Variants in ATG4C observed in about 807,000 individuals in gnomAD.
The protein encoded by ATG4C is cysteine protease ATG4C.
In ATG4C, 56 loss-of-function variants were observed where a neutral mutation model predicts 57.6. The observed-to-expected ratio is 0.97, with a 90% CI of 0.78 to 1.21. The LOEUF (loss-of-function observed/expected upper bound fraction) is 1.21, where lower values mean the gene tolerates loss of function less well. Ranked by LOEUF, ATG4C falls within the 50% of genes most tolerant of loss-of-function variation. The probability of loss-of-function intolerance (pLI) is 0.00; values close to 1 mark genes in which losing one functional copy is unlikely to be tolerated. For missense variants in ATG4C, 595 were observed against 529.8 expected (o/e 1.12, Z -1.21); for synonymous variants, 157 against 174.1 (o/e 0.90, Z 0.78).
chr1:62,797,775 A>G (rs910163792), intron 1 of ATG4C, among the ~76,000 whole-genome samples: 5 of 151,722 alleles, frequency 3.3e-5, no homozygotes, highest in Non-Finnish European at 7.4e-5. Flanking sequence ...ATTTAATTAC[A>G]TTTTCCTGTC....
At chr1:62,853,187 A>G (rs1666571457) in intron 10 of ATG4C, among the ~76,000 whole-genome samples, 1 of 152,062 alleles carries the variant, frequency 6.6e-6, no homozygotes, top group Non-Finnish European at 1.5e-5. Flanking sequence ...AGTGTTGTTG[A>G]GAAGTTTGAT....
chr1:62,809,997 A>G (rs1451875618), intron 3 of ATG4C, among the ~76,000 whole-genome samples: 1 of 151,746 alleles, frequency 6.6e-6, no homozygotes, highest in Non-Finnish European at 1.5e-5. Context: ...TTTGTGAGAA[A>G]TTTGAGAGTA....
At chr1:62,790,202 C>A (rs1664230623) in intron 1 of ATG4C, among the ~76,000 whole-genome samples, 1 of 152,226 alleles carries the variant, frequency 6.6e-6, no homozygotes, top group Non-Finnish European at 1.5e-5. Context: ...GCGTGAGCCA[C>A]TGTACCCGGC....
chr1:62,863,040 C>G (rs1163882902), intron 10 of ATG4C, among the ~76,000 whole-genome samples: 3 of 151,854 alleles, frequency 2.0e-5, no homozygotes, highest in Non-Finnish European at 2.9e-5. Context: ...GTCAAAACAT[C>G]CTTTACTCAA....
At position 62,808,799 on chromosome 1, in the gene ATG4C, A is replaced by G. The variant is rs1664965962; in HGVS notation, c.160+3544A>G. Among the ~76,000 whole-genome samples the G allele has an allele frequency of 2.6e-5, 4 of 152,218 alleles. No individual in the cohort carries two copies. The South Asian group carries it at 8.3e-4, about 31-fold the overall frequency. On this transcript the variant is annotated intron_variant, in intron 3 of 10. Coordinates refer to ENST00000317868, the MANE Select transcript of ATG4C (RefSeq NM_032852.4). ...GTACGAATAGAAAGTAAAAGCAGTC[A>G]TATTAACAGCAGCTAGTCTACATTT...
At chr1:62,833,195 G>A (rs557394774) in intron 7 of ATG4C, among the ~76,000 whole-genome samples, 22 of 152,218 alleles carry the variant, frequency 1.4e-4, no homozygotes, top group Middle Eastern at 6.8e-3. Flanking sequence ...GAGAAGGAAA[G>A]CTTAATTATT....
intron 6 of ATG4C, among the ~76,000 whole-genome samples, chr1:62,825,078 A>T (rs2100325930): frequency 6.6e-6 from 1 of 152,164 alleles, no homozygotes; most frequent in East Asian, 1.9e-4. Context: ...TCTATTACAA[A>T]TACAAAAATT....
chr1:62,848,722 A>G (rs909971943), intron 10 of ATG4C, among the ~76,000 whole-genome samples: 1 of 152,188 alleles, frequency 6.6e-6, no homozygotes, highest in African/African-American at 2.4e-5. Context: ...AGAATCAGGA[A>G]AGTGGCATTG....
At chr1:62,810,461 C>G (rs1467800482) in intron 3 of ATG4C, among the ~76,000 whole-genome samples, 1 of 152,104 alleles carries the variant, frequency 6.6e-6, no homozygotes, top group African/African-American at 2.4e-5. Context: ...CTAACATTTT[C>G]TTTTTGTCAT....
intron 7 of ATG4C, among the ~76,000 whole-genome samples, chr1:62,830,476 A>T (rs1665807301): frequency 6.6e-6 from 1 of 152,118 alleles, no homozygotes; most frequent in Non-Finnish European, 1.5e-5. Context: ...TCCTGGTGGA[A>T]TGGGTTGCAA....
chr1:62,799,166 T>G (rs1572099624), intron 1 of ATG4C, among the ~76,000 whole-genome samples: 1 of 152,160 alleles, frequency 6.6e-6, no homozygotes, highest in Non-Finnish European at 1.5e-5. Context: ...ATTTCTCCCC[T>G]TCAGCCTCCC....
chr1:62,841,189 A>G (rs1347314944), intron 9 of ATG4C, among the ~76,000 whole-genome samples: 3 of 152,180 alleles, frequency 2.0e-5, no homozygotes, highest in Non-Finnish European at 2.9e-5. Context: ...CTTTTGCAGA[A>G]TGGCACTAAT....
chr1:62,811,498 T>A (rs538865724), intron 3 of ATG4C, among the ~76,000 whole-genome samples: 99 of 152,260 alleles, frequency 6.5e-4, no homozygotes, highest in South Asian at 1.4e-3. Flanking sequence ...GTAAAAAAAA[T>A]TTCTTACAAT....
chr1:62,799,494 G>C (rs11208032), intron 1 of ATG4C, among the ~76,000 whole-genome samples: 60,710 of 151,970 alleles, frequency 0.4, 12,577 homozygotes, highest in East Asian at 0.67. Context: ...AAATAGTGTA[G>C]CTACATAGCA....
chr1:62,811,490 A>G (rs1665082957), intron 3 of ATG4C, among the ~76,000 whole-genome samples: 1 of 152,104 alleles, frequency 6.6e-6, no homozygotes, highest in African/African-American at 2.4e-5. Flanking sequence ...TACCGAAAGT[A>G]AAAAAAATTT....
At chr1:62,856,630 A>G (rs2100363940) in intron 10 of ATG4C, among the ~76,000 whole-genome samples, 1 of 152,264 alleles carries the variant, frequency 6.6e-6, no homozygotes, top group East Asian at 1.9e-4. Context: ...ATACTGTCCA[A>G]CTCCACAGTG....
chr1:62,840,624 A>C (rs1217363542), intron 9 of ATG4C, among the ~76,000 whole-genome samples: 1 of 152,200 alleles, frequency 6.6e-6, no homozygotes, highest in South Asian at 2.1e-4. Context: ...TGCAGTGATT[A>C]CTTTTATATT....
intron 10 of ATG4C, among the ~76,000 whole-genome samples, chr1:62,844,673 T>G (rs1666275364): frequency 6.6e-6 from 1 of 152,094 alleles, no homozygotes. Context: ...TATATATAAT[T>G]AATAAGTGTG....
intron 8 of ATG4C, 70 bp from the exon 9 acceptor site, chr1:62,834,706 A>G (rs1410618937): frequency 7.7e-7 from 1 of 1,293,396 alleles, no homozygotes; most frequent in Admixed American, 1.8e-5. Context: ...TTCTACATAG[A>G]AATTGGATTG....
Sources: allele counts gnomAD v4.1 joint callset (sites outside exome capture counted in the v4.1 genomes callset), GRCh38; gene constraint gnomAD v4.1.1; transcripts MANE v1.5; gene names NCBI Gene and HGNC (gene_info 2026-07-23, HGNC 2026-07-21).